PRPF31: variants seen among roughly 807,000 people sequenced by gnomAD.
PRPF31 encodes the protein U4/U6 small nuclear ribonucleoprotein Prp31.
Under a neutral mutation model 60.4 loss-of-function variants are expected in PRPF31, and 12 were observed. That is an observed-to-expected ratio of 0.20 (90% CI 0.13 to 0.32). The LOEUF (loss-of-function observed/expected upper bound fraction) is 0.32. Among genes scored for constraint, PRPF31 ranks in the 10% least tolerant of loss-of-function variants. PRPF31 has a pLI of 1.00. For missense variants in PRPF31, 431 were observed against 687.1 expected (o/e 0.63, Z 4.17); for synonymous variants, 287 against 287.9 (o/e 1.00, Z 0.03).
In PRPF31 at chr19:54,129,116, G is replaced by A. The variant is rs147663541; in HGVS notation, c.1206G>A (p.Ser402=). 2.0e-4 allele frequency: 314 copies of A among 1,582,790 alleles called. 2 individuals carry two copies. The East Asian group carries it at 6.7e-3, about 34-fold the overall frequency. Reference sequence around the variant, plus strand: ...TCAGCCTGGGCCACCTGGGCAAGTCGGGCAGTGGGCGTGTGCGGCAGACAC... The same window carrying A: ...TCAGCCTGGGCCACCTGGGCAAGTCAGGCAGTGGGCGTGTGCGGCAGACAC... ...LGFSLGHLGK[S]GSGRVRQTQV... is the part of the protein sequence containing the mutation. The change falls in exon 12 of 14, where the codon TCG becomes TCA. Residue 402 remains serine, a synonymous_variant. Coordinates refer to ENST00000321030, the MANE Select transcript of PRPF31 (RefSeq NM_015629.4).
chr19:54,123,663 C>G (rs2073848107), intron 6 of PRPF31, 86 bp from the exon 7 acceptor site: 1 of 724,066 alleles, frequency 1.4e-6, no homozygotes, highest in African/African-American at 1.8e-5. Context: ...CACACATGCA[C>G]ACACACACAC....
intron 9 of PRPF31, 81 bp downstream of exon 9, chr19:54,126,698 G>A: frequency 7.3e-7 from 1 of 1,373,070 alleles, no homozygotes; most frequent in Non-Finnish European, 1.0e-6. Context: ...CCTCAGCAGG[G>A]AGCCCACCCC....
In PRPF31 at chr19:54,129,272, C is replaced by G; in HGVS notation, c.1276C>G (p.Arg426Gly). 1.2e-6 allele frequency: 2 copies of G among 1,610,918 alleles called. No individual in the cohort carries two copies. Among genetic ancestry groups the G allele is most frequent in the Non-Finnish European group, 1.7e-6 (2 of 1,179,208 alleles). Residue 426 changes from arginine (R) to glycine (G), a missense_variant and splice_region_variant, in exon 13 of 14, where the codon CGG becomes GGG. Arg to Gly is a moderately radical substitution (Grantham distance 125). Around this residue, in one of 4 missense-constraint regions of PRPF31, gnomAD observed 314 missense variants for 475.3 expected, o/e 0.66. Coordinates refer to ENST00000321030, the MANE Select transcript of PRPF31 (RefSeq NM_015629.4). ...TKARISKTLQ[R>G]TLQKQSVVYG... Reference sequence around the variant, plus strand: ...CGCAGCCTCCCTGTCCTCCCCACAGCGGACCCTGCAGAAGCAGAGCGTCGT... The same window carrying G: ...CGCAGCCTCCCTGTCCTCCCCACAGGGGACCCTGCAGAAGCAGAGCGTCGT...
chr19:54,124,704 C>T (rs760872465), intron 8 of PRPF31, 48 bp downstream of exon 8: 352 of 1,592,332 alleles, frequency 2.2e-4, no homozygotes, highest in Admixed American at 2.8e-4. Context: ...CTGGAGCCTT[C>T]CGCTGTGCCC....
chr19:54,120,186 G>C (rs1263072420), intron 3 of PRPF31: 3 of 152,306 alleles, frequency 2.0e-5, no homozygotes, highest in Non-Finnish European at 4.4e-5. Context: ...CAGATATCCG[G>C]AGAGAGAATC....
Position 54,124,509 on chromosome 19 carries a change from C to T in PRPF31, c.708C>T (p.Gly236=), listed in dbSNP as rs370829672. The change falls in exon 8 of 14, where the codon GGC becomes GGT. Residue 236 remains glycine (G), a synonymous_variant. Transcript: ENST00000321030. ...STAAKIMGVA[G]GLTNLSKMPA... is the part of the protein sequence containing the mutation. ...TCCCTCCCACCGCAGGTGTGGCCGG[C>T]GGCCTGACCAACCTCTCCAAGATGC... 2.9e-5 allele frequency: 46 copies of T among 1,604,994 alleles called. No homozygotes were observed. The highest frequency in any genetic ancestry group is 8.0e-5 in the African/African-American group (6 of 74,810).
rs770081002 is a variant in PRPF31 at position 54,129,378 on chromosome 19, C to T, written c.1374+8C>T. The T allele has an allele frequency of 4.2e-5, 66 of 1,586,122 alleles. No individual in the cohort carries two copies. Among genetic ancestry groups the T allele is most frequent in the Non-Finnish European group, 5.2e-5 (61 of 1,167,700 alleles). On this transcript the variant is annotated splice_region_variant and intron_variant, in intron 13 of 13. Coordinates refer to ENST00000321030, the MANE Select transcript of PRPF31 (RefSeq NM_015629.4). ...GCCTTCACCCCACTCCAGGTACCTCCCCTGGGCCGGCTCTGTCCCCAGCCC... is the reference window on the plus strand; with the variant it reads ...GCCTTCACCCCACTCCAGGTACCTCTCCTGGGCCGGCTCTGTCCCCAGCCC...
Position 54,128,966 on chromosome 19 carries a change from C to T in PRPF31, c.1147-91C>T, listed in dbSNP as rs148585340. Reference sequence around the variant, plus strand: ...CCCGTGGGACCGGCCGGCTGGTGACCGCTGGGCTTCGGGCTGGTGGAGGGG... The same window carrying T: ...CCCGTGGGACCGGCCGGCTGGTGACTGCTGGGCTTCGGGCTGGTGGAGGGG... On this transcript the variant is annotated intron_variant, in intron 11 of 13. Transcript: ENST00000321030. 4,156 of 1,370,410 alleles carry T rather than the reference C, an allele frequency of 3.0e-3. 97 individuals carry two copies. In the African/African-American group the frequency reaches 0.048, roughly 16 times the overall value. 84.9% of individuals were successfully genotyped at this position (1,370,410 alleles called of 1,614,324 possible).
intron 1 of PRPF31, among the ~76,000 whole-genome samples, chr19:54,117,936 G>T (rs1299787516): frequency 6.6e-6 from 1 of 152,142 alleles, no homozygotes; most frequent in Non-Finnish European, 1.5e-5. Flanking sequence ...GTATCTAGTG[G>T]GAAAGGAGGG....
In PRPF31 at chr19:54,129,296, G is replaced by A. The variant is rs770948639; in HGVS notation, c.1300G>A (p.Val434Ile). The A allele has an allele frequency of 5.6e-6, 9 of 1,610,924 alleles. No individual in the cohort carries two copies. Among genetic ancestry groups the A allele is most frequent in the South Asian group, 1.1e-5 (1 of 90,754 alleles). Residue 434 changes from valine to isoleucine, a missense_variant, in exon 13 of 14, where the codon GTA becomes ATA. Physicochemically the swap from Val to Ile is conservative, Grantham distance 29 (BLOSUM62 3). This residue lies in a region of PRPF31 where 314 missense variants were observed against 475.3 expected (regional missense o/e 0.66). Coordinates refer to ENST00000321030, the MANE Select transcript of PRPF31 (RefSeq NM_015629.4). ...GCGGACCCTGCAGAAGCAGAGCGTC[G>A]TATATGGCGGGAAGTCCACCATCCG... ...LQRTLQKQSVVYGGKSTIRDR... is the reference protein window; with the variant it reads ...LQRTLQKQSVIYGGKSTIRDR...
In PRPF31 at chr19:54,128,074, T is replaced by C; in HGVS notation, c.947T>C (p.Val316Ala). 1 of 1,548,554 alleles carries C rather than the reference T, an allele frequency of 6.5e-7. No homozygotes were observed. Among genetic ancestry groups the C allele is most frequent in the South Asian group, 1.2e-5 (1 of 83,984 alleles). Residue 316 changes from valine to alanine, a missense_variant and splice_region_variant, in exon 10 of 14, where the codon GTG becomes GCG. By Grantham distance (64) the Val-to-Ala change is moderately conservative (BLOSUM62 0). This residue lies in a region of PRPF31 where 314 missense variants were observed against 475.3 expected (regional missense o/e 0.66). Transcript: ENST00000321030. ...GGACCTCCCCCTCGCCCTCCCCAGG[T>C]GGGCTACGAACTGAAGGATGAGATC... ...DSFHESTEGK[V>A]GYELKDEIER...
intron 8 of PRPF31, 67 bp downstream of exon 8, chr19:54,124,723 T>C (rs2146426628): frequency 6.4e-7 from 1 of 1,550,458 alleles, no homozygotes; most frequent in Non-Finnish European, 8.8e-7. Context: ...CCAGACAGCC[T>C]GAGCAGCCAC....
intron 8 of PRPF31, among the ~76,000 whole-genome samples, chr19:54,125,788 GGA>G (rs1453277671): frequency 1.3e-5 from 2 of 152,206 alleles, no homozygotes; most frequent in African/African-American, 2.4e-5. Context: ...CATCCTGGGA[GGA>G]GAGAGAGTGG....
chr19:54,116,334 A>G (rs2073636081), intron 1 of PRPF31, among the ~76,000 whole-genome samples: 1 of 151,584 alleles, frequency 6.6e-6, no homozygotes, highest in South Asian at 2.1e-4. Flanking sequence ...CCTCCCGAGT[A>G]GCTGGGATTA....
chr19:54,124,153 C>T, intron 7 of PRPF31: 2 of 850,084 alleles, frequency 2.4e-6, no homozygotes, highest in Non-Finnish European at 1.8e-6. Context: ...GATGACCACA[C>T]CCAGGCCCTG....
At chr19:54,121,490 G>A (rs2073787817) in intron 3 of PRPF31, among the ~76,000 whole-genome samples, 1 of 152,126 alleles carries the variant, frequency 6.6e-6, no homozygotes, top group African/African-American at 2.4e-5. Context: ...GTGCTGTCCT[G>A]GGTACTCGGC....
intron 1 of PRPF31, among the ~76,000 whole-genome samples, chr19:54,116,951 C>G (rs917409133): frequency 6.6e-6 from 1 of 152,174 alleles, no homozygotes; most frequent in African/African-American, 2.4e-5. Context: ...TAAAAATTAG[C>G]CGGGCGTGCT....
intron 4 of PRPF31, 36 bp from the exon 5 acceptor site, chr19:54,122,461 A>G (rs1337965557): frequency 1.3e-6 from 2 of 1,506,310 alleles, no homozygotes; most frequent in Non-Finnish European, 1.8e-6. Flanking sequence ...TCTACCTTCC[A>G]TCTCACCCGA....
At chr19:54,124,739 A>C in intron 8 of PRPF31, 83 bp downstream of exon 8, 2 of 1,482,768 alleles carry the variant, frequency 1.3e-6, no homozygotes, top group Non-Finnish European at 1.9e-6. Context: ...GCCACCCACC[A>C]TCTGGCCCAG....
Sources: allele counts gnomAD v4.1 joint callset (sites outside exome capture counted in the v4.1 genomes callset), GRCh38; gene constraint gnomAD v4.1.1; regional missense constraint gnomAD v4.1.1; transcripts MANE v1.5; gene names NCBI Gene and HGNC (gene_info 2026-07-23, HGNC 2026-07-21).